ROBO2: variants seen among roughly 807,000 people sequenced by gnomAD.
ROBO2 encodes the protein roundabout homolog 2.
Under a neutral mutation model 160.8 loss-of-function variants are expected in ROBO2, and 53 were observed. The observed-to-expected ratio is 0.33, with a 90% CI of 0.26 to 0.41. The LOEUF is 0.41. Among genes scored for constraint, ROBO2 ranks in the 10% least tolerant of loss-of-function variants. The pLI, the probability that ROBO2 is intolerant of heterozygous loss-of-function variation, is 1.00. For missense variants in ROBO2, 1,577 were observed against 1,722.4 expected (o/e 0.92, Z 1.49); for synonymous variants, 664 against 611.7 (o/e 1.09, Z -1.26).
At chr3:77,620,441 A>G (rs1375130605) in intron 22 of ROBO2, among the ~76,000 whole-genome samples, 1 of 152,202 alleles carries the variant, frequency 6.6e-6, no homozygotes, top group African/African-American at 2.4e-5. Flanking sequence ...TTGTTTTATC[A>G]AGAGGTATCA....
chr3:77,240,380 A>T (rs1283534404), intron 2 of ROBO2, among the ~76,000 whole-genome samples: 4 of 152,086 alleles, frequency 2.6e-5, no homozygotes, highest in Non-Finnish European at 5.9e-5. Flanking sequence ...GCCCGCTCCG[A>T]GTGGGCCCGC....
rs113585936 is a variant in ROBO2, at chr3:77,372,776, A to T, written c.389-104638A>T. On this transcript the variant is annotated intron_variant, in intron 2 of 25. Transcript: ENST00000461745. ...AAACTGTTATCACTGGATTTGCATT[A>T]AATGAAGTTCCTTCCTCTTAAGATA... Among the ~76,000 whole-genome samples, 1,276 of 152,266 alleles carry T rather than the reference A, an allele frequency of 8.4e-3. 8 individuals are homozygous for T. Among genetic ancestry groups the T allele is most frequent in the Non-Finnish European group, 0.013 (896 of 67,996 alleles).
chr3:76,399,739 T>C (rs1254630937), intron 2 of ROBO2, among the ~76,000 whole-genome samples: 5 of 151,366 alleles, frequency 3.3e-5, no homozygotes, highest in Non-Finnish European at 5.9e-5. Flanking sequence ...GTCAGGGGAG[T>C]CTACCCATAA....
chr3:77,025,832 G>A (rs2062929377), intron 2 of ROBO2, among the ~76,000 whole-genome samples: 2 of 152,118 alleles, frequency 1.3e-5, no homozygotes, highest in African/African-American at 4.8e-5. Context: ...GCTGCTTTTA[G>A]CTGGATGTTT....
At chr3:77,091,808 G>A (rs1442485012) in intron 1 of ROBO2, among the ~76,000 whole-genome samples, 2 of 151,628 alleles carry the variant, frequency 1.3e-5, no homozygotes, top group Admixed American at 6.6e-5. Context: ...ACGAAAATCC[G>A]TCTCTACTAA....
At chr3:76,070,301 T>A (rs6776811) in intron 2 of ROBO2, among the ~76,000 whole-genome samples, 94,383 of 151,536 alleles carry the variant, frequency 0.62, 30,004 homozygotes, top group Middle Eastern at 0.75. Flanking sequence ...TGAGAAAGAG[T>A]ATGCGCACCT....
At chr3:75,935,236 C>CA (rs1420048100) in intron 1 of ROBO2, among the ~76,000 whole-genome samples, 1 of 151,910 alleles carries the variant, frequency 6.6e-6, no homozygotes, top group Non-Finnish European at 1.5e-5. Flanking sequence ...TTGAAGAAAT[C>CA]AAAAAACACA....
At chr3:76,798,100 T>TA (rs979848163) in intron 2 of ROBO2, among the ~76,000 whole-genome samples, 4 of 38,180 alleles carry the variant, frequency 1.0e-4, no homozygotes, top group East Asian at 4.9e-4. Context: ...AAAGACACAT[T>TA]AAAAAAAAGA....
intron 1 of ROBO2, among the ~76,000 whole-genome samples, chr3:75,915,464 A>G (rs1946771090): frequency 6.6e-6 from 1 of 152,216 alleles, no homozygotes; most frequent in Non-Finnish European, 1.5e-5. Context: ...GAATGAAGAG[A>G]GTCATCTGAT....
intron 2 of ROBO2, among the ~76,000 whole-genome samples, chr3:76,951,244 A>G (rs1420740537): frequency 3.9e-5 from 6 of 152,156 alleles, no homozygotes; most frequent in African/African-American, 1.2e-4. Context: ...TTAAGAACTA[A>G]TGTTTGCTCC....
intron 2 of ROBO2, among the ~76,000 whole-genome samples, chr3:76,390,320 T>C (rs1450515935): frequency 1.3e-5 from 2 of 152,136 alleles, no homozygotes; most frequent in Non-Finnish European, 2.9e-5. Flanking sequence ...TCTTAGATTA[T>C]ATTCAAAAGT....
At chr3:76,036,876 C>T (rs575090391) in intron 2 of ROBO2, among the ~76,000 whole-genome samples, 2 of 151,978 alleles carry the variant, frequency 1.3e-5, no homozygotes, top group East Asian at 1.9e-4. Flanking sequence ...CTATTCACCT[C>T]GAAAATTAAG....
chr3:76,570,843 T>C (rs1010327939), intron 2 of ROBO2, among the ~76,000 whole-genome samples: 1 of 152,216 alleles, frequency 6.6e-6, no homozygotes, highest in Admixed American at 6.5e-5. Context: ...AATATCTCTG[T>C]TGTACATCTT....
intron 2 of ROBO2, among the ~76,000 whole-genome samples, chr3:76,229,319 C>T (rs1704480412): frequency 6.6e-6 from 1 of 151,884 alleles, no homozygotes; most frequent in South Asian, 2.1e-4. Context: ...CTTAGCAAAT[C>T]TAAAGTCTCT....
chr3:77,447,007 A>G lies in ROBO2; in HGVS notation c.389-30407A>G, dbSNP rs539026015. 2.6e-5 allele frequency among the ~76,000 whole-genome samples: 4 copies of G among 152,262 alleles called. No individual in the cohort carries two copies. In the South Asian group the frequency reaches 6.2e-4, roughly 24 times the overall value. On this transcript the variant is annotated intron_variant, in intron 2 of 25. Transcript: ENST00000461745. ...ATAGTTTGGGGAAATGAGAAAATGT[A>G]AACAGGCCAATCAGATGCTGTTTAA...
At chr3:77,376,002 T>C (rs528687954) in intron 2 of ROBO2, among the ~76,000 whole-genome samples, 1 of 152,086 alleles carries the variant, frequency 6.6e-6, no homozygotes, top group East Asian at 1.9e-4. Context: ...GTGCCTTGAG[T>C]TTCTATGGCT....
chr3:76,691,670 G>A (rs1268255246), intron 2 of ROBO2, among the ~76,000 whole-genome samples: 1 of 152,138 alleles, frequency 6.6e-6, no homozygotes, highest in African/African-American at 2.4e-5. Context: ...GGAGAGGATG[G>A]TTTAAAGTGA....
At chr3:75,928,109 C>G (rs1947364016) in intron 1 of ROBO2, among the ~76,000 whole-genome samples, 1 of 151,192 alleles carries the variant, frequency 6.6e-6, no homozygotes, top group Admixed American at 6.6e-5. Context: ...CCCAGCCTCC[C>G]GAGTAGCTGG....
At chr3:76,017,348 T>C (rs2066433346) in intron 2 of ROBO2, among the ~76,000 whole-genome samples, 1 of 152,168 alleles carries the variant, frequency 6.6e-6, no homozygotes, top group Non-Finnish European at 1.5e-5. Context: ...CAATGGAATA[T>C]ATATTGAATA....
Sources: allele counts gnomAD v4.1 joint callset (sites outside exome capture counted in the v4.1 genomes callset), GRCh38; gene constraint gnomAD v4.1.1; transcripts MANE v1.5; gene names NCBI Gene and HGNC (gene_info 2026-07-23, HGNC 2026-07-21).